The following ARHGAP10 variants were observed in gnomAD, a reference collection of about 807,000 sequenced individuals.
ARHGAP10 encodes the protein rho GTPase-activating protein 10.
A neutral mutation model predicts 108.6 loss-of-function variants in ARHGAP10; 87 were observed. That is an observed-to-expected ratio of 0.80 (90% CI 0.67 to 0.96). The LOEUF (loss-of-function observed/expected upper bound fraction) is 0.96, where lower values mean the gene tolerates loss of function less well. Ranked by LOEUF, ARHGAP10 falls within the 40% of genes least tolerant of loss-of-function variation. The pLI is 0.00. For missense variants in ARHGAP10, 939 were observed against 954.5 expected (o/e 0.98, Z 0.21); for synonymous variants, 347 against 341.1 (o/e 1.02, Z -0.19).
Position 147,918,592 on chromosome 4 carries a change from G to T in ARHGAP10, c.1228+5453G>T, listed in dbSNP as rs945367136. Among the ~76,000 whole-genome samples the T allele has an allele frequency of 3.9e-5, 6 of 152,146 alleles. No individual in the cohort carries two copies. The South Asian group carries it at 1.0e-3, about 26-fold the overall frequency. Reference sequence around the variant, plus strand: ...TATAATTGCATAGGTGGGTCACATTGTCTTTCTGTTGGCCATCCCTGGTCT... The same window carrying T: ...TATAATTGCATAGGTGGGTCACATTTTCTTTCTGTTGGCCATCCCTGGTCT... On this transcript the variant is annotated intron_variant, in intron 13 of 22. Coordinates refer to ENST00000336498, the MANE Select transcript of ARHGAP10 (RefSeq NM_024605.4).
intron 10 of ARHGAP10, among the ~76,000 whole-genome samples, chr4:147,891,953 G>A (rs1398979833): frequency 6.6e-6 from 1 of 150,944 alleles, no homozygotes; most frequent in African/African-American, 2.4e-5. Flanking sequence ...ACTTTGTGCT[G>A]TGACCCCCCC....
At position 147,735,906 on chromosome 4, in the gene ARHGAP10, A is replaced by G. The variant is rs200820606; in HGVS notation, c.154+3451A>G. ...TTGTAAGCCTTCGTGATGTCTATGT[A>G]GTTTCAGTTGCTTATGATTCATACA... On this transcript the variant is annotated intron_variant, in intron 1 of 22. Coordinates refer to ENST00000336498, the MANE Select transcript of ARHGAP10 (RefSeq NM_024605.4). Among the ~76,000 whole-genome samples the G allele has an allele frequency of 2.0e-5, 3 of 152,234 alleles. No individual in the cohort carries two copies. The East Asian group carries it at 5.8e-4, about 29-fold the overall frequency.
intron 14 of ARHGAP10, among the ~76,000 whole-genome samples, chr4:147,942,782 G>T (rs1738208213): frequency 6.6e-6 from 1 of 152,342 alleles, no homozygotes; most frequent in Middle Eastern, 3.4e-3. Context: ...TGATGAGAGG[G>T]TATTCTTAGT....
chr4:148,001,141 A>G (rs1481015914), intron 18 of ARHGAP10, among the ~76,000 whole-genome samples: 1 of 152,238 alleles, frequency 6.6e-6, no homozygotes, highest in Non-Finnish European at 1.5e-5. Context: ...ATGGCTAGCC[A>G]GTTTTCCCAG....
chr4:148,060,894 G>A (rs1729589914), intron 20 of ARHGAP10, among the ~76,000 whole-genome samples: 3 of 152,178 alleles, frequency 2.0e-5, no homozygotes, highest in South Asian at 4.1e-4. Flanking sequence ...AAAGGTGAAT[G>A]TGGAGAACTT....
chr4:147,781,633 T>G (rs944773312), intron 1 of ARHGAP10, among the ~76,000 whole-genome samples: 1 of 151,974 alleles, frequency 6.6e-6, no homozygotes, highest in Non-Finnish European at 1.5e-5. Context: ...GGCTAAGTGT[T>G]TCACCTTCTA....
chr4:147,965,865 A>G (rs1739183551), intron 17 of ARHGAP10, among the ~76,000 whole-genome samples: 1 of 152,236 alleles, frequency 6.6e-6, no homozygotes, highest in Non-Finnish European at 1.5e-5. Flanking sequence ...ACAGATTACA[A>G]ATAAAAATAT....
At chr4:147,906,563 C>A in intron 10 of ARHGAP10, 75 bp from the exon 11 acceptor site, 3 of 1,448,194 alleles carry the variant, frequency 2.1e-6, no homozygotes, top group Middle Eastern at 1.8e-4. Flanking sequence ...AAAATGGTTA[C>A]AACAGTTAAA....
At chr4:147,782,397 T>G (rs1730571373) in intron 1 of ARHGAP10, among the ~76,000 whole-genome samples, 1 of 152,094 alleles carries the variant, frequency 6.6e-6, no homozygotes, top group Non-Finnish European at 1.5e-5. Flanking sequence ...ATTAATACAT[T>G]TTCAGGAGTG....
intron 3 of ARHGAP10, among the ~76,000 whole-genome samples, chr4:147,836,117 A>T (rs1733160177): frequency 6.6e-6 from 1 of 152,190 alleles, no homozygotes; most frequent in Admixed American, 6.5e-5. Context: ...TTTTCAGTTA[A>T]TGTCCTTCAG....
At chr4:148,049,420 G>A (rs1173005216) in intron 20 of ARHGAP10, among the ~76,000 whole-genome samples, 1 of 152,186 alleles carries the variant, frequency 6.6e-6, no homozygotes, top group East Asian at 1.9e-4. Flanking sequence ...CACCTCTTTT[G>A]TGTAAAACAC....
intron 18 of ARHGAP10, among the ~76,000 whole-genome samples, chr4:148,006,425 C>T (rs954584883): frequency 2.6e-5 from 4 of 152,194 alleles, no homozygotes; most frequent in Admixed American, 2.6e-4. Context: ...AGCTATTTCC[C>T]GTCTTTTGCC....
At chr4:148,027,818 A>G (rs376359991) in intron 19 of ARHGAP10, among the ~76,000 whole-genome samples, 1 of 152,236 alleles carries the variant, frequency 6.6e-6, no homozygotes, top group Non-Finnish European at 1.5e-5. Flanking sequence ...ACAGAAAACT[A>G]GAAAGCAGGC....
chr4:147,762,851 A>G (rs1729646384), intron 1 of ARHGAP10, among the ~76,000 whole-genome samples: 1 of 150,688 alleles, frequency 6.6e-6, no homozygotes, highest in African/African-American at 2.4e-5. Flanking sequence ...TTTTAACTTG[A>G]CTAAGTGGAC....
intron 4 of ARHGAP10, among the ~76,000 whole-genome samples, chr4:147,849,364 A>C (rs1733767717): frequency 6.6e-6 from 1 of 152,132 alleles, no homozygotes; most frequent in African/African-American, 2.4e-5. Flanking sequence ...GGGTATTTGA[A>C]TTACTTTCCA....
At chr4:148,040,814 T>G (rs1026473302) in intron 19 of ARHGAP10, among the ~76,000 whole-genome samples, 52 of 151,594 alleles carry the variant, frequency 3.4e-4, no homozygotes, top group African/African-American at 1.2e-3. Flanking sequence ...AAAAAAGATT[T>G]GGGGGGGGTT....
intron 18 of ARHGAP10, among the ~76,000 whole-genome samples, chr4:147,979,367 C>CG (rs1355689507): frequency 6.6e-6 from 1 of 152,004 alleles, no homozygotes; most frequent in Non-Finnish European, 1.5e-5. Flanking sequence ...TGTAGGTGTA[C>CG]GGCTTTATTT....
chr4:147,994,188 T>C (rs965995204), intron 18 of ARHGAP10, among the ~76,000 whole-genome samples: 1 of 152,240 alleles, frequency 6.6e-6, no homozygotes, highest in Non-Finnish European at 1.5e-5. Context: ...TGCATAGTGT[T>C]TCAGTCAACA....
At chr4:147,765,977 A>G (rs1257021061) in intron 1 of ARHGAP10, among the ~76,000 whole-genome samples, 1 of 152,092 alleles carries the variant, frequency 6.6e-6, no homozygotes, top group Non-Finnish European at 1.5e-5. Flanking sequence ...AGATGCTCTC[A>G]AGTCCCTTAT....
Sources: gnomAD v4.1 joint callset for allele counts (sites outside exome capture counted in the v4.1 genomes callset) on GRCh38, gnomAD v4.1.1 for gene constraint, MANE v1.5 for transcripts, NCBI Gene and HGNC (gene_info 2026-07-23, HGNC 2026-07-21) for gene names.